GLIPR1L2: variants seen among roughly 807,000 people sequenced by gnomAD.
GLIPR1L2 encodes the protein GLIPR1 like 2.
In GLIPR1L2, 21 loss-of-function variants were observed where a neutral mutation model predicts 28.4. That is an observed-to-expected ratio of 0.74 (90% confidence interval 0.52 to 1.06). GLIPR1L2 has a LOEUF of 1.06. Among genes scored for constraint, GLIPR1L2 ranks in the 50% least tolerant of loss-of-function variants. The pLI is 0.00. For missense variants in GLIPR1L2, 476 were observed against 416.9 expected (o/e 1.14, Z -1.23); for synonymous variants, 145 against 139.3 (o/e 1.04, Z -0.29).
chr12:75,404,045 G>A (rs1176337807), intron 1 of GLIPR1L2, among the ~76,000 whole-genome samples: 1 of 152,130 alleles, frequency 6.6e-6, no homozygotes, highest in African/African-American at 2.4e-5. Flanking sequence ...ATGGTAAAAA[G>A]CATTAGCCCT....
At chr12:75,408,787 G>A (rs2045830544) in intron 1 of GLIPR1L2, among the ~76,000 whole-genome samples, 2 of 151,874 alleles carry the variant, frequency 1.3e-5, no homozygotes, top group African/African-American at 4.8e-5. Flanking sequence ...GATCACAATA[G>A]TGCAAGGGAA....
At chr12:75,391,888 T>TG (rs1566060492) in intron 1 of GLIPR1L2, among the ~76,000 whole-genome samples, 2 of 151,726 alleles carry the variant, frequency 1.3e-5, no homozygotes, top group East Asian at 1.9e-4. Context: ...TTTTTTTTTT[T>TG]TGTGCCCATT....
Position 75,391,159 on chromosome 12 carries a change from T to G in GLIPR1L2, c.43T>G (p.Ser15Ala). ...CTTCGCCCGGGAGTGGAGGGCCCAG[T>G]CCCTACCCCTGGCAGTAGGGGGCGT... ...RPFAREWRAQ[S>A]LPLAVGGVLK... Residue 15 changes from serine to alanine, a missense_variant, in exon 1 of 6, where the codon TCC becomes GCC. Ser to Ala is a moderately conservative substitution (Grantham distance 99). Transcript: ENST00000550916. 6 of 1,614,102 alleles carry G rather than the reference T, an allele frequency of 3.7e-6. No homozygotes were observed. The highest frequency in any genetic ancestry group is 5.1e-6 in the Non-Finnish European group (6 of 1,179,980).
At chr12:75,403,808 T>C (rs906500044) in intron 1 of GLIPR1L2, among the ~76,000 whole-genome samples, 2 of 152,080 alleles carry the variant, frequency 1.3e-5, no homozygotes, top group African/African-American at 4.8e-5. Context: ...CTGCCCCCAT[T>C]AGAGGCTTTC....
At chr12:75,425,819 G>C (rs981211447) in intron 4 of GLIPR1L2, among the ~76,000 whole-genome samples, 2 of 152,054 alleles carry the variant, frequency 1.3e-5, no homozygotes, top group Non-Finnish European at 2.9e-5. Flanking sequence ...AAGTATAATG[G>C]GGGCTAGTTT....
At chr12:75,420,907 A>C (rs982349187) in intron 3 of GLIPR1L2, among the ~76,000 whole-genome samples, 3 of 152,078 alleles carry the variant, frequency 2.0e-5, no homozygotes, top group Non-Finnish European at 2.9e-5. Flanking sequence ...GGATTTATTT[A>C]TTTTCAGTTT....
intron 2 of GLIPR1L2, among the ~76,000 whole-genome samples, chr12:75,412,610 G>C (rs1158568299): frequency 1.3e-5 from 2 of 152,098 alleles, no homozygotes; most frequent in African/African-American, 4.8e-5. Context: ...ATCATCACTG[G>C]CCGTCAGAGA....
intron 3 of GLIPR1L2, among the ~76,000 whole-genome samples, chr12:75,420,258 G>A (rs1299099945): frequency 6.6e-6 from 1 of 152,230 alleles, no homozygotes; most frequent in Non-Finnish European, 1.5e-5. Context: ...GTCAAGCTAT[G>A]GGCTGGATTA....
intron 3 of GLIPR1L2, 106 bp downstream of exon 3, chr12:75,413,807 A>C: frequency 4.0e-6 from 2 of 503,436 alleles, no homozygotes; most frequent in South Asian, 7.8e-5. Flanking sequence ...CTATAAAATA[A>C]ATATACTTTA....
intron 1 of GLIPR1L2, among the ~76,000 whole-genome samples, chr12:75,409,187 TAAGACA>T (rs1007467905): frequency 2.6e-5 from 4 of 152,026 alleles, no homozygotes; most frequent in Admixed American, 2.6e-4. Context: ...ATGTGTGGCC[TAAGACA>T]ATTCTTCTTC....
chr12:75,391,760 C>G (rs1489776612), intron 1 of GLIPR1L2, among the ~76,000 whole-genome samples: 1 of 152,150 alleles, frequency 6.6e-6, no homozygotes, highest in African/African-American at 2.4e-5. Context: ...AAGTGCGACA[C>G]TCTCAGGGTG....
rs1315226506 is a variant in GLIPR1L2, at chr12:75,431,002, G to A, written c.876G>A (p.Glu292=). The change falls in exon 6 of 6, where the codon GAG becomes GAA. Residue 292 remains glutamate, a synonymous_variant. Coordinates refer to ENST00000550916, the MANE Select transcript of GLIPR1L2 (RefSeq NM_001270396.2). ...AACAACAAATGATATTTACCCCTGA[G>A]GAATCTGAAGCAGGGAATGAAGAGG... ...LLEQQMIFTP[E]ESEAGNEEEE... is the part of the protein sequence containing the mutation. The A allele has an allele frequency of 2.0e-6, 3 of 1,534,806 alleles. No homozygotes were observed. Among genetic ancestry groups the A allele is most frequent in the Non-Finnish European group, 2.6e-6 (3 of 1,146,082 alleles).
chr12:75,411,657 A>G (rs1310534400), intron 2 of GLIPR1L2, among the ~76,000 whole-genome samples: 1 of 151,922 alleles, frequency 6.6e-6, no homozygotes, highest in Non-Finnish European at 1.5e-5. Flanking sequence ...CTAGTCTCCT[A>G]GACCTTTTCG....
rs868195323 is a variant in GLIPR1L2 at position 75,404,120 on chromosome 12, A to C, written c.235-6314A>C. Among the ~76,000 whole-genome samples the C allele has an allele frequency of 7.2e-5, 11 of 152,282 alleles. 1 individual carries two copies. In the South Asian group the frequency reaches 1.5e-3, roughly 20 times the overall value. On this transcript the variant is annotated intron_variant, in intron 1 of 5. Transcript: ENST00000550916. ...AAACATAATTCCAAGTATTTTATATAAATCAGTGAGTTTTCTATTATTGTG... is the reference window on the plus strand; with the variant it reads ...AAACATAATTCCAAGTATTTTATATCAATCAGTGAGTTTTCTATTATTGTG...
intron 2 of GLIPR1L2, 24 bp from the exon 3 acceptor site, chr12:75,413,574 T>C: frequency 1.5e-6 from 2 of 1,305,434 alleles, no homozygotes; most frequent in Non-Finnish European, 2.1e-6. Context: ...AAATTTTGTG[T>C]CTTTCTTGAA....
chr12:75,406,209 A>G lies in GLIPR1L2; in HGVS notation c.235-4225A>G, dbSNP rs2045798275. Among the ~76,000 whole-genome samples, 3 of 152,060 alleles carry G rather than the reference A, an allele frequency of 2.0e-5. No individual in the cohort carries two copies. The South Asian group carries it at 6.2e-4, about 31-fold the overall frequency. On this transcript the variant is annotated intron_variant, in intron 1 of 5. Coordinates refer to ENST00000550916, the MANE Select transcript of GLIPR1L2 (RefSeq NM_001270396.2). ...TGAAATCTTTTGTCATATTGGTTAA[A>G]TAGATTGCTTAAGTATTGTTTCATA...
chr12:75,427,473 C>T (rs1474930454), intron 4 of GLIPR1L2, among the ~76,000 whole-genome samples: 1 of 152,194 alleles, frequency 6.6e-6, no homozygotes, highest in Non-Finnish European at 1.5e-5. Context: ...AAGGTCAGTT[C>T]ATCTCCAAGG....
In GLIPR1L2 at chr12:75,432,297, G is replaced by A. The variant is rs1285898521; in HGVS notation, c.*1136G>A. 6.6e-6 allele frequency: 1 copy of A among 152,110 alleles called. No individual in the cohort carries two copies. The highest frequency in any genetic ancestry group is 2.4e-5 in the African/African-American group (1 of 41,440). The allele number at this position is 152,110 out of a possible 1,614,324, so 9.4% of individuals were successfully genotyped here. A position where few individuals can be genotyped will look rare whatever the true frequency, so the allele number is the denominator to read the frequency against. On this transcript the variant is annotated 3_prime_UTR_variant, in exon 6 of 6. Transcript: ENST00000550916. ...TTGCACACTTATTAGAACTCAATGT[G>A]ACTGAGATGTGAAAGGTTGATATAA...
In GLIPR1L2 at chr12:75,410,441, A is replaced by G. The variant is rs1358007977; in HGVS notation, c.242A>G (p.Asp81Gly). The G allele has an allele frequency of 1.9e-6, 3 of 1,566,248 alleles. No individual in the cohort carries two copies. The highest frequency in any genetic ancestry group is 2.6e-6 in the Non-Finnish European group (3 of 1,155,234). ...TTTTTGAATATTTTTCAGACTTGGG[A>G]TGTAGCTTTATCACGGACTGCTAGA... ...RGSNLRFMTW[D>G]VALSRTARAW... Residue 81 changes from aspartate (D) to glycine (G), a missense_variant, in exon 2 of 6, where the codon GAT becomes GGT. Transcript: ENST00000550916.
Sources: allele counts gnomAD v4.1 joint callset (sites outside exome capture counted in the v4.1 genomes callset), GRCh38; gene constraint gnomAD v4.1.1; transcripts MANE v1.5; gene names NCBI Gene and HGNC (gene_info 2026-07-23, HGNC 2026-07-21).